Variants in SS18 observed in about 807,000 individuals in gnomAD.
SS18 encodes the protein SS18 subunit of BAF chromatin remodeling complex, also known as protein SSXT.
A neutral mutation model predicts 72.5 loss-of-function variants in SS18; 28 were observed. The observed-to-expected ratio is 0.39, with a 90% confidence interval of 0.29 to 0.53. The LOEUF is 0.53. Ranked by LOEUF, SS18 falls within the 20% of genes least tolerant of loss-of-function variation. SS18 has a pLI of 0.76. For missense variants in SS18, 518 were observed against 535.3 expected (o/e 0.97, Z 0.32); for synonymous variants, 172 against 164.2 (o/e 1.05, Z -0.37).
At chr18:26,024,143 A>G (rs73401859) in intron 10 of SS18, among the ~76,000 whole-genome samples, 2,440 of 152,302 alleles carry the variant, frequency 0.016, 48 homozygotes, top group African/African-American at 0.055. Flanking sequence ...GAATAGGCAA[A>G]TCTATAGAGA....
rs752271134 is a variant in SS18 at position 26,032,552 on chromosome 18, C to CA, written c.1097-21dup. The CA allele has an allele frequency of 1.2e-6, 2 of 1,610,932 alleles. No individual in the cohort carries two copies. Among genetic ancestry groups the CA allele is most frequent in the Non-Finnish European group, 1.7e-6 (2 of 1,178,662 alleles). On this transcript the variant is annotated intron_variant, in intron 9 of 10. Coordinates refer to ENST00000415083, the MANE Select transcript of SS18 (RefSeq NM_001007559.3). ...AAGGACCTGAAAATAATGTACACAA[C>CA]AAAAACCCACATAAAAAGGTAAGTC...
At chr18:26,079,641 G>T (rs998426743) in intron 2 of SS18, among the ~76,000 whole-genome samples, 2 of 152,098 alleles carry the variant, frequency 1.3e-5, no homozygotes, top group Non-Finnish European at 2.9e-5. Context: ...AGCGTGCAGT[G>T]GCGTAATCAT....
chr18:26,069,419 T>G (rs1366811239), intron 3 of SS18, among the ~76,000 whole-genome samples: 1 of 151,276 alleles, frequency 6.6e-6, no homozygotes, highest in Non-Finnish European at 1.5e-5. Flanking sequence ...CAGATAAATT[T>G]AAGGTTCTTT....
chr18:26,089,245 T>C (rs141461574), intron 1 of SS18, among the ~76,000 whole-genome samples: 21 of 152,330 alleles, frequency 1.4e-4, no homozygotes, highest in African/African-American at 4.6e-4. Context: ...TCTGGACTTT[T>C]CCTGTGTACA....
chr18:26,082,846 T>C (rs2054550085), intron 2 of SS18, among the ~76,000 whole-genome samples: 1 of 152,240 alleles, frequency 6.6e-6, no homozygotes, highest in South Asian at 2.1e-4. Flanking sequence ...AATTTGCACA[T>C]ACTGCTTTCA....
At chr18:26,069,057 T>C (rs1015369878) in intron 3 of SS18, among the ~76,000 whole-genome samples, 8 of 152,090 alleles carry the variant, frequency 5.3e-5, no homozygotes, top group African/African-American at 1.7e-4. Context: ...ATCAGTTGAG[T>C]CTCCAAACAC....
At chr18:26,086,789 C>T (rs1268035442) in intron 2 of SS18, among the ~76,000 whole-genome samples, 1 of 152,146 alleles carries the variant, frequency 6.6e-6, no homozygotes, top group Non-Finnish European at 1.5e-5. Context: ...TACATGGATG[C>T]AACTCAATAC....
At chr18:26,089,555 T>C (rs1330534472) in intron 1 of SS18, among the ~76,000 whole-genome samples, 3 of 152,236 alleles carry the variant, frequency 2.0e-5, no homozygotes, top group Non-Finnish European at 4.4e-5. Context: ...AAAACAAAAA[T>C]ATTTAAAGTA....
At chr18:26,019,990 G>C (rs930022849) in intron 10 of SS18, among the ~76,000 whole-genome samples, 1 of 152,036 alleles carries the variant, frequency 6.6e-6, no homozygotes, top group Non-Finnish European at 1.5e-5. Context: ...GCAAAATGTT[G>C]ATAAACTGAT....
At chr18:26,019,410 C>A (rs2053305181) in intron 10 of SS18, among the ~76,000 whole-genome samples, 1 of 152,060 alleles carries the variant, frequency 6.6e-6, no homozygotes, top group African/African-American at 2.4e-5. Flanking sequence ...ACTTCTCTAC[C>A]ATAAGAAATG....
chr18:26,056,046 C>G (rs141881150), intron 4 of SS18, among the ~76,000 whole-genome samples: 2,336 of 152,198 alleles, frequency 0.015, 64 homozygotes, highest in African/African-American at 0.053. Flanking sequence ...CGTGAGCCAC[C>G]GCGCCTGGCC....
intron 3 of SS18, among the ~76,000 whole-genome samples, chr18:26,074,266 A>C (rs945641796): frequency 6.6e-6 from 1 of 151,996 alleles, no homozygotes; most frequent in African/African-American, 2.4e-5. Flanking sequence ...CCAGAGTAAG[A>C]AAAATGTAAT....
intron 5 of SS18, among the ~76,000 whole-genome samples, chr18:26,045,889 A>G (rs2053811138): frequency 6.6e-6 from 1 of 152,144 alleles, no homozygotes; most frequent in Non-Finnish European, 1.5e-5. Context: ...AACATTAGAA[A>G]CATTGAGAAT....
At chr18:26,068,437 A>G (rs2054257096) in intron 3 of SS18, 2 of 152,192 alleles carry the variant, frequency 1.3e-5, no homozygotes, top group African/African-American at 4.8e-5. Flanking sequence ...TGGTGTTCTA[A>G]CCATAACAAA....
rs555255392 is a variant in SS18 at position 26,050,091 on chromosome 18, T to G, written c.607+2533A>C. 5.9e-5 allele frequency among the ~76,000 whole-genome samples: 9 copies of G among 152,142 alleles called. No homozygotes were observed. In the South Asian group the frequency reaches 1.7e-3, roughly 28 times the overall value. ...TCTCTACTAAAATACAAAAATTAGC[T>G]GGGCGTGATGGCAGGCACCTGTCAT... On this transcript the variant is annotated intron_variant, in intron 5 of 10. Transcript: ENST00000415083.
intron 3 of SS18, among the ~76,000 whole-genome samples, chr18:26,077,856 G>A (rs907228463): frequency 6.6e-6 from 1 of 152,072 alleles, no homozygotes; most frequent in Non-Finnish European, 1.5e-5. Context: ...TAGGTAAACA[G>A]GTAAACGAAT....
chr18:26,069,060 CCAAA>C (rs1334387302), intron 3 of SS18, among the ~76,000 whole-genome samples: 2 of 152,102 alleles, frequency 1.3e-5, no homozygotes, highest in African/African-American at 2.4e-5. Context: ...AGTTGAGTCT[CCAAA>C]CACTCTCTTC....
In SS18 at chr18:26,072,296, T is replaced by A. The variant is rs535046918; in HGVS notation, c.231+5780A>T. 3.2e-4 allele frequency among the ~76,000 whole-genome samples: 49 copies of A among 151,664 alleles called. 1 individual carries two copies. The South Asian group carries it at 9.8e-3, about 30-fold the overall frequency. On this transcript the variant is annotated intron_variant, in intron 3 of 10. Transcript: ENST00000415083. ...GGAATAATAAAAAACAAATTAATTA[T>A]TGGCCGGGCACAGTGGCTCACACCT...
rs763399753 is a variant in SS18 at position 26,052,606 on chromosome 18, G to T, written c.607+18C>A. On this transcript the variant is annotated intron_variant, in intron 5 of 10. Transcript: ENST00000415083. ...CTAATAGAGCACTCTAGTCAAGAAG[G>T]ACATAAAGCTTAGTTACCTTGGTTT... 4.1e-5 allele frequency: 65 copies of T among 1,588,076 alleles called. No homozygotes were observed. The Admixed American group carries it at 1.1e-3, about 26-fold the overall frequency.
Sources: gnomAD v4.1 joint callset for allele counts (sites outside exome capture counted in the v4.1 genomes callset) on GRCh38, gnomAD v4.1.1 for gene constraint, MANE v1.5 for transcripts, NCBI Gene and HGNC (gene_info 2026-07-23, HGNC 2026-07-21) for gene names.